CSMD2: variants seen among roughly 807,000 people sequenced by gnomAD.
CSMD2 encodes the protein CUB and sushi domain-containing protein 2.
In CSMD2, 130 loss-of-function variants were observed where a neutral mutation model predicts 398.5. That is an observed-to-expected ratio of 0.33 (90% confidence interval 0.28 to 0.38). The LOEUF is 0.38. Among genes scored for constraint, CSMD2 ranks in the 10% least tolerant of loss-of-function variants. CSMD2 has a pLI of 1.00. For synonymous variants in CSMD2, 1,828 were observed against 1,908.5 expected (o/e 0.96, Z 1.10); for missense variants, 3,829 against 4,764.9 (o/e 0.80, Z 5.78).
Position 33,557,727 on chromosome 1 carries a change from T to C in CSMD2, c.8743+7A>G. ...TCAGTCATTTTGAGCAGGTGACATC[T>C]ACTTACAGAGACACTGGGGGCGGGG... On this transcript the variant is annotated splice_region_variant and intron_variant, in intron 55 of 70. Coordinates refer to ENST00000373381, the MANE Select transcript of CSMD2 (RefSeq NM_001281956.2). 6.5e-7 allele frequency: 1 copy of C among 1,535,198 alleles called. No individual in the cohort carries two copies. The highest frequency in any genetic ancestry group is 8.7e-7 in the Non-Finnish European group (1 of 1,146,526).
chr1:34,007,241 TG>T (rs1439808255), intron 3 of CSMD2, among the ~76,000 whole-genome samples: 6 of 152,210 alleles, frequency 3.9e-5, no homozygotes, highest in Middle Eastern at 3.4e-3. Context: ...CTCAGCCTCA[TG>T]GAAGTGCCCA....
chr1:33,880,191 T>G (rs144512307), intron 5 of CSMD2, among the ~76,000 whole-genome samples: 272 of 152,318 alleles, frequency 1.8e-3, no homozygotes, highest in Non-Finnish European at 2.9e-3. Flanking sequence ...CAAAAATGTA[T>G]GCTGAATGAG....
At chr1:34,064,266 T>C (rs528687696) in intron 2 of CSMD2, among the ~76,000 whole-genome samples, 2 of 152,358 alleles carry the variant, frequency 1.3e-5, no homozygotes, top group Non-Finnish European at 2.9e-5. Flanking sequence ...GTTTTTCTTT[T>C]CTACTGCATC....
chr1:33,672,596 A>G (rs1195003289), intron 25 of CSMD2, among the ~76,000 whole-genome samples: 1 of 152,226 alleles, frequency 6.6e-6, no homozygotes, highest in Non-Finnish European at 1.5e-5. Flanking sequence ...TCCCTGTCTG[A>G]CAGCTATGAA....
chr1:33,700,218 A>G (rs1412653490), intron 23 of CSMD2, among the ~76,000 whole-genome samples: 1 of 152,144 alleles, frequency 6.6e-6, no homozygotes, highest in Non-Finnish European at 1.5e-5. Flanking sequence ...CATCTTGGCC[A>G]GGCTGGTCTT....
At chr1:33,608,743 AG>A (rs1379637149) in intron 41 of CSMD2, among the ~76,000 whole-genome samples, 1 of 152,156 alleles carries the variant, frequency 6.6e-6, no homozygotes, top group African/African-American at 2.4e-5. Flanking sequence ...ACCAGAAGCC[AG>A]GGGAGGGGCC....
At chr1:33,611,838 T>C (rs1314364292) in intron 40 of CSMD2, among the ~76,000 whole-genome samples, 1 of 152,226 alleles carries the variant, frequency 6.6e-6, no homozygotes, top group African/African-American at 2.4e-5. Context: ...ATGTACATAG[T>C]AATATACTCT....
intron 25 of CSMD2, among the ~76,000 whole-genome samples, chr1:33,665,958 T>C (rs1644303567): frequency 6.6e-6 from 1 of 152,160 alleles, no homozygotes; most frequent in South Asian, 2.1e-4. Context: ...GCCTAAGATG[T>C]ATCTGACATT....
At chr1:34,012,515 C>T (rs1209394541) in intron 3 of CSMD2, among the ~76,000 whole-genome samples, 3 of 151,808 alleles carry the variant, frequency 2.0e-5, no homozygotes, top group Non-Finnish European at 4.4e-5. Context: ...GATCTTGGCT[C>T]GCTGCGACCT....
intron 55 of CSMD2, 89 bp downstream of exon 55, chr1:33,557,617 GACACACACACACACACACACACACACAC>G: frequency 3.0e-6 from 2 of 660,042 alleles, no homozygotes; most frequent in Non-Finnish European, 5.0e-6. Flanking sequence ...TACATGTGCA[GACACACACACACACACACACACACACAC>G]ACACACACAC....
intron 59 of CSMD2, 46 bp downstream of exon 59, chr1:33,541,084 T>C (rs1233126337): frequency 1.9e-6 from 3 of 1,592,766 alleles, no homozygotes; most frequent in Non-Finnish European, 1.7e-6. Context: ...ATCTCACTTT[T>C]GTATCTTCTT....
intron 3 of CSMD2, among the ~76,000 whole-genome samples, chr1:34,015,488 C>T (rs1322261295): frequency 6.6e-6 from 1 of 152,164 alleles, no homozygotes; most frequent in Non-Finnish European, 1.5e-5. Flanking sequence ...GAGGAGCCAC[C>T]ATGGCACTGG....
At position 34,160,792 on chromosome 1, in the gene CSMD2, T is replaced by G. The variant is rs537407589; in HGVS notation, c.187+4119A>C. On this transcript the variant is annotated intron_variant, in intron 1 of 70. Transcript: ENST00000373381. ...GTAGAACATTGAGTACAGTCAGTGC[T>G]CTAGTCTACAAGAGGCTGACTAAAA... Among the ~76,000 whole-genome samples, 4 of 152,340 alleles carry G rather than the reference T, an allele frequency of 2.6e-5. No homozygotes were observed. In the South Asian group the frequency reaches 8.3e-4, roughly 32 times the overall value.
intron 5 of CSMD2, among the ~76,000 whole-genome samples, chr1:33,857,640 A>G (rs1014289194): frequency 6.6e-6 from 1 of 151,968 alleles, no homozygotes; most frequent in Non-Finnish European, 1.5e-5. Context: ...AGAGATGACA[A>G]TCTCTCTCCG....
chr1:33,871,597 T>C (rs896959874), intron 5 of CSMD2, among the ~76,000 whole-genome samples: 5 of 152,182 alleles, frequency 3.3e-5, no homozygotes, highest in Non-Finnish European at 7.3e-5. Flanking sequence ...AGCATGTTGA[T>C]GTGCCTGCTC....
intron 5 of CSMD2, among the ~76,000 whole-genome samples, chr1:33,889,061 C>T (rs914166627): frequency 2.0e-5 from 3 of 152,114 alleles, no homozygotes; most frequent in Admixed American, 1.3e-4. Context: ...TGAGCCACTG[C>T]GCCCGGCCAA....
At chr1:34,043,405 A>T (rs952145848) in intron 2 of CSMD2, among the ~76,000 whole-genome samples, 1 of 152,110 alleles carries the variant, frequency 6.6e-6, no homozygotes, top group Non-Finnish European at 1.5e-5. Context: ...GAGTTTAGGG[A>T]TCCTTGATAA....
intron 48 of CSMD2, among the ~76,000 whole-genome samples, chr1:33,579,776 T>C (rs909449726): frequency 2.6e-5 from 4 of 152,040 alleles, no homozygotes; most frequent in African/African-American, 9.7e-5. Flanking sequence ...CCTCCCAGGT[T>C]CAAGTGATTC....
chr1:33,711,949 C>T (rs998260615), intron 21 of CSMD2, among the ~76,000 whole-genome samples: 1 of 152,158 alleles, frequency 6.6e-6, no homozygotes, highest in Admixed American at 6.5e-5. Flanking sequence ...GGACGGGGCA[C>T]TTGCTTCCGG....
Sources: gnomAD v4.1 joint callset for allele counts (sites outside exome capture counted in the v4.1 genomes callset) on GRCh38, gnomAD v4.1.1 for gene constraint, MANE v1.5 for transcripts, NCBI Gene and HGNC (gene_info 2026-07-23, HGNC 2026-07-21) for gene names.